XPO4: variants seen among roughly 807,000 people sequenced by gnomAD.
The protein encoded by XPO4 is exportin-4.
XPO4 carries 39 observed loss-of-function variants against 143.0 expected under a neutral mutation model. That is an observed-to-expected ratio of 0.27 (90% CI 0.21 to 0.36). The LOEUF (loss-of-function observed/expected upper bound fraction) is 0.36. Ranked by LOEUF, XPO4 falls within the 10% of genes least tolerant of loss-of-function variation. The pLI, the probability that XPO4 is intolerant of heterozygous loss-of-function variation, is 1.00. For missense variants in XPO4, 907 were observed against 1,348.0 expected, an observed-to-expected ratio of 0.67 and a Z score of 5.12; for synonymous variants, 439 against 474.0, an observed-to-expected ratio of 0.93 and a Z score of 0.96.
intron 4 of XPO4, chr13:20,852,455 T>C (rs1404066385): frequency 3.0e-6 from 3 of 985,316 alleles, no homozygotes; most frequent in Non-Finnish European, 3.6e-6. Flanking sequence ...CATTGGATAA[T>C]GCACATGGCC....
At chr13:20,824,763 C>T (rs182084886) in intron 7 of XPO4, among the ~76,000 whole-genome samples, 7 of 152,166 alleles carry the variant, frequency 4.6e-5, no homozygotes, top group East Asian at 3.9e-4. Context: ...CCCAGCAGGA[C>T]GCCCAGTGAG....
At chr13:20,880,958 CAA>C (rs35117619) in intron 1 of XPO4, among the ~76,000 whole-genome samples, 5,746 of 136,880 alleles carry the variant, frequency 0.042, 339 homozygotes, top group African/African-American at 0.14. Context: ...ACCCTGCCTC[CAA>C]AAAAAAAAAA....
At chr13:20,839,148 C>T (rs1462494268) in intron 6 of XPO4, among the ~76,000 whole-genome samples, 1 of 152,076 alleles carries the variant, frequency 6.6e-6, no homozygotes, top group African/African-American at 2.4e-5. Flanking sequence ...CCTATAGTCC[C>T]AGCTACTCAG....
At chr13:20,861,276 T>C (rs189158590) in intron 3 of XPO4, among the ~76,000 whole-genome samples, 51 of 149,816 alleles carry the variant, frequency 3.4e-4, no homozygotes, top group African/African-American at 1.1e-3. Flanking sequence ...AATCAAAAGT[T>C]ATGTAGCTGA....
intron 4 of XPO4, chr13:20,852,727 T>A (rs2060101357): frequency 1.0e-6 from 1 of 978,722 alleles, no homozygotes; most frequent in Non-Finnish European, 1.2e-6. Context: ...CTATATTATA[T>A]ACATATATTA....
rs746884695 is a variant in XPO4, at chr13:20,796,088, A to G, written c.2785T>C (p.Phe929Leu). 6.2e-7 allele frequency: 1 copy of G among 1,611,084 alleles called. No homozygotes were observed. The highest frequency in any genetic ancestry group is 1.1e-5 in the South Asian group (1 of 90,468). The change falls in exon 18 of 23, where the codon TTC (phenylalanine) becomes CTC (leucine). Residue 929 changes from phenylalanine (F) to leucine (L), a missense_variant. Phe to Leu is a conservative substitution (Grantham distance 22). Coordinates refer to ENST00000255305, the MANE Select transcript of XPO4 (RefSeq NM_022459.5). ...CGTTACATTTTACCTGTATCACTGA[A>G]ATCTATGAATTCTTTTGACAGCAGG... ...TNLLSKEFID[F>L]SDTDEVFRGH...
intron 16 of XPO4, 60 bp from the exon 17 acceptor site, chr13:20,797,117 T>A: frequency 6.8e-7 from 1 of 1,462,718 alleles, no homozygotes; most frequent in Non-Finnish European, 9.1e-7. Context: ...TTTCCTCTGC[T>A]TGGATACATA....
intron 9 of XPO4, among the ~76,000 whole-genome samples, chr13:20,812,536 TA>T (rs148180556): frequency 1.3e-4 from 19 of 147,082 alleles, no homozygotes; most frequent in East Asian, 1.2e-3. Context: ...TACAAATCAT[TA>T]AAAAAAAAAC....
rs1236953141 is a variant in XPO4, at chr13:20,819,390, G to A, written c.1173+2314C>T. Among the ~76,000 whole-genome samples, 5 of 152,000 alleles carry A rather than the reference G, an allele frequency of 3.3e-5. No homozygotes were observed. In the Middle Eastern group the frequency reaches 0.01, roughly 310 times the overall value. ...AAAAGATCATGTCTTGGCCAGGCGC[G>A]GTGGCTCACACCTGTAATCCTAGCA... is the stretch of plus-strand genomic sequence containing the variant. On this transcript the variant is annotated intron_variant, in intron 9 of 22. Coordinates refer to ENST00000255305, the MANE Select transcript of XPO4 (RefSeq NM_022459.5).
chr13:20,893,766 C>CAA (rs755303049), intron 1 of XPO4, among the ~76,000 whole-genome samples: 5 of 108,356 alleles, frequency 4.6e-5, no homozygotes, highest in African/African-American at 1.7e-4. Context: ...GACTCTGTCT[C>CAA]AAAAAAAAAA....
chr13:20,868,967 G>T lies in XPO4; in HGVS notation c.70-266C>A, dbSNP rs547413569. The stretch of plus-strand genomic sequence containing the variant: ...AAAAAACCTGCATTTTAGAAAAACA[G>T]ATACTTATCTAACATTTTTTGGGGG... On this transcript the variant is annotated intron_variant, in intron 1 of 22. Coordinates refer to ENST00000255305, the MANE Select transcript of XPO4 (RefSeq NM_022459.5). Among the ~76,000 whole-genome samples the T allele has an allele frequency of 3.3e-5, 5 of 152,234 alleles. No homozygotes were observed. The South Asian group carries it at 1.0e-3, about 32-fold the overall frequency.
rs1471620431 is a variant in XPO4 at position 20,822,255 on chromosome 13, G to A, written c.875C>T (p.Ala292Val). 5 of 1,613,076 alleles carry A rather than the reference G, an allele frequency of 3.1e-6. No individual in the cohort carries two copies. Among genetic ancestry groups the A allele is most frequent in the Non-Finnish European group, 4.2e-6 (5 of 1,179,654 alleles). Residue 292 changes from alanine (A) to valine (V), a missense_variant, in exon 8 of 23, where the codon GCA becomes GTA. Transcript: ENST00000255305. ...HRKIREDSDM[A>V]QDSLQCLAQL... ...GGCAAGGCACTGCAGAGAATCTTGTGCCATATCTGAATCTTCTCTGATTTT... is the reference window on the plus strand; with the variant it reads ...GGCAAGGCACTGCAGAGAATCTTGTACCATATCTGAATCTTCTCTGATTTT...
At chr13:20,784,077 C>A (rs185536865) in intron 22 of XPO4, among the ~76,000 whole-genome samples, 158 bp from the exon 23 acceptor site, 52 of 152,228 alleles carry the variant, frequency 3.4e-4, no homozygotes, top group African/African-American at 1.2e-3. Context: ...GTTTGAAAAC[C>A]TTTTACATGG....
rs577288727 is a variant in XPO4 at position 20,887,908 on chromosome 13, C to T, written c.69+14762G>A. ...AAAAGAGGTCGGGCTCAGTGGCTCA[C>T]GCCTATCTGTAATTCCGGCACTTTG... On this transcript the variant is annotated intron_variant, in intron 1 of 22. Transcript: ENST00000255305. Among the ~76,000 whole-genome samples the T allele has an allele frequency of 1.9e-4, 29 of 150,794 alleles. 1 individual carries two copies. In the South Asian group the frequency reaches 5.1e-3, roughly 26 times the overall value.
At position 20,809,959 on chromosome 13, in the gene XPO4, T is replaced by G; in HGVS notation, c.1182A>C (p.Lys394Asn). ...RSAALEEVLD[K>N]DDMVYMEAYD... is the part of the protein sequence containing the mutation. ...ATGCTTCCATGTATACCATGTCATC[T>G]TTATCAAGCTAAAAGAAAAGAACAC... The change falls in exon 10 of 23, where the codon AAA becomes AAC. Residue 394 changes from lysine to asparagine, a missense_variant. By Grantham distance (94) the Lys-to-Asn change is moderately conservative (BLOSUM62 0). Transcript: ENST00000255305. 1 of 1,602,534 alleles carries G rather than the reference T, an allele frequency of 6.2e-7. No individual in the cohort carries two copies. Among genetic ancestry groups the G allele is most frequent in the Non-Finnish European group, 8.5e-7 (1 of 1,175,486 alleles).
At chr13:20,828,255 A>G (rs56393534) in intron 6 of XPO4, among the ~76,000 whole-genome samples, 3,135 of 151,894 alleles carry the variant, frequency 0.021, 84 homozygotes, top group Middle Eastern at 0.075. Flanking sequence ...AAACAAACAA[A>G]CAAAAAACAG....
Position 20,788,490 on chromosome 13 carries a change from T to C in XPO4, c.3043A>G (p.Thr1015Ala). 2 of 1,610,958 alleles carry C rather than the reference T, an allele frequency of 1.2e-6. No homozygotes were observed. Among genetic ancestry groups the C allele is most frequent in the Non-Finnish European group, 1.7e-6 (2 of 1,179,022 alleles). ...TGATGTTCATTTAAAGGATATGATGTCATTCCTAATTCTAGGGAGTACATC... is the reference window on the plus strand; with the variant it reads ...TGATGTTCATTTAAAGGATATGATGCCATTCCTAATTCTAGGGAGTACATC... ...SLMYSLELGM[T>A]SMSSEVCQLC... The change falls in exon 20 of 23, where the codon ACA becomes GCA. Residue 1015 changes from threonine (T) to alanine (A), a missense_variant. By Grantham distance (58) the Thr-to-Ala change is moderately conservative. Coordinates refer to ENST00000255305, the MANE Select transcript of XPO4 (RefSeq NM_022459.5).
chr13:20,835,307 C>T (rs1239594816), intron 6 of XPO4, among the ~76,000 whole-genome samples: 1 of 152,186 alleles, frequency 6.6e-6, no homozygotes, highest in African/African-American at 2.4e-5. Flanking sequence ...AATTCCATCA[C>T]TCTCCTTGCA....
intron 4 of XPO4, chr13:20,849,820 A>G (rs1241728973): frequency 1.0e-6 from 1 of 985,172 alleles, no homozygotes; most frequent in Non-Finnish European, 1.2e-6. Flanking sequence ...AATACACACA[A>G]ATTGGCAGAA....
Sources: allele counts gnomAD v4.1 joint callset (sites outside exome capture counted in the v4.1 genomes callset), GRCh38; gene constraint gnomAD v4.1.1; transcripts MANE v1.5; gene names NCBI Gene and HGNC (gene_info 2026-07-23, HGNC 2026-07-21).